DSCAML1: variants seen among roughly 807,000 people sequenced by gnomAD.
DSCAML1 encodes cell adhesion molecule DSCAML1.
Under a neutral mutation model 200.5 loss-of-function variants are expected in DSCAML1, and 38 were observed. The observed-to-expected ratio is 0.19, with a 90% CI of 0.15 to 0.25. DSCAML1 has a LOEUF of 0.25. Among genes scored for constraint, DSCAML1 ranks in the 10% least tolerant of loss-of-function variants. DSCAML1 has a pLI of 1.00. For missense variants in DSCAML1, 2,223 were observed against 2,858.8 expected (o/e 0.78, Z 5.07); for synonymous variants, 1,215 against 1,165.0 (o/e 1.04, Z -0.87).
chr11:117,770,438 A>T (rs2134035821), intron 3 of DSCAML1, among the ~76,000 whole-genome samples: 1 of 152,224 alleles, frequency 6.6e-6, no homozygotes, highest in African/African-American at 2.4e-5. Flanking sequence ...CACAGAAGCA[A>T]CTCGGCATTA....
intron 3 of DSCAML1, among the ~76,000 whole-genome samples, chr11:117,681,804 T>C (rs981781770): frequency 1.3e-5 from 2 of 152,184 alleles, no homozygotes; most frequent in Non-Finnish European, 2.9e-5. Flanking sequence ...AAGTCCCTCC[T>C]AAGGCACTGG....
chr11:117,768,694 T>G (rs1233728676), intron 3 of DSCAML1, among the ~76,000 whole-genome samples: 1 of 152,210 alleles, frequency 6.6e-6, no homozygotes, highest in Non-Finnish European at 1.5e-5. Context: ...ATAGGTTTTA[T>G]CATTCCCATT....
intron 3 of DSCAML1, among the ~76,000 whole-genome samples, chr11:117,571,686 TC>T (rs145462937): frequency 0.043 from 6,566 of 152,210 alleles, 204 homozygotes; most frequent in Middle Eastern, 0.11. Context: ...CTACAGGTGT[TC>T]TCCTTTCAGA....
In DSCAML1 at chr11:117,498,323, G is replaced by A. The variant is rs150225187; in HGVS notation, c.2359+5522C>T. ...CCACTTACATGCTCTGCCAACAGCCGTCCCTCAGCTCTAGGGGTCACGGCG... is the reference window on the plus strand; with the variant it reads ...CCACTTACATGCTCTGCCAACAGCCATCCCTCAGCTCTAGGGGTCACGGCG... On this transcript the variant is annotated intron_variant, in intron 11 of 32. Transcript: ENST00000651296. The surrounding 1 kb of genome is among the most constrained non-coding windows in gnomAD (Gnocchi z 4.0). 2.5e-3 allele frequency among the ~76,000 whole-genome samples: 374 copies of A among 152,332 alleles called. 1 individual carries two copies. Among genetic ancestry groups the A allele is most frequent in the African/African-American group, 8.2e-3 (343 of 41,580 alleles).
At chr11:117,471,761 C>T (rs2048689759) in intron 15 of DSCAML1, 108 bp downstream of exon 15, 28 of 1,359,634 alleles carry the variant, frequency 2.1e-5, no homozygotes, top group Non-Finnish European at 2.7e-5. Flanking sequence ...TTTCCCCACG[C>T]CACCCCCTTT....
At chr11:117,738,047 G>A (rs915488819) in intron 3 of DSCAML1, among the ~76,000 whole-genome samples, 2 of 152,344 alleles carry the variant, frequency 1.3e-5, no homozygotes, top group African/African-American at 4.8e-5. Flanking sequence ...CTGCATGGGT[G>A]AAAGATGATG....
chr11:117,599,443 T>C (rs1028664204), intron 3 of DSCAML1, among the ~76,000 whole-genome samples: 1 of 152,234 alleles, frequency 6.6e-6, no homozygotes, highest in African/African-American at 2.4e-5. Context: ...TCTTCTAATG[T>C]TGGACACTTT....
intron 19 of DSCAML1, among the ~76,000 whole-genome samples, chr11:117,453,093 C>G (rs536654680): frequency 3.9e-5 from 6 of 152,058 alleles, no homozygotes; most frequent in Non-Finnish European, 8.8e-5. Context: ...CACCATGATG[C>G]CAGGTTAATT....
chr11:117,448,433 T>G (rs1038498087), intron 20 of DSCAML1, among the ~76,000 whole-genome samples: 1 of 152,142 alleles, frequency 6.6e-6, no homozygotes, highest in Non-Finnish European at 1.5e-5. Flanking sequence ...GCTGCCCCTG[T>G]CCTCGTGGGG....
intron 3 of DSCAML1, among the ~76,000 whole-genome samples, chr11:117,578,502 C>T (rs2050989961): frequency 6.6e-6 from 1 of 151,688 alleles, no homozygotes; most frequent in South Asian, 2.1e-4. Context: ...AAGACCCCAT[C>T]TCTAAAAATT....
At chr11:117,699,677 C>T (rs1017499527) in intron 3 of DSCAML1, among the ~76,000 whole-genome samples, 1 of 152,200 alleles carries the variant, frequency 6.6e-6, no homozygotes, top group African/African-American at 2.4e-5. Flanking sequence ...CCGGGCCATC[C>T]CCGCCCAGTA....
intron 3 of DSCAML1, among the ~76,000 whole-genome samples, chr11:117,676,529 C>CA (rs1468812695): frequency 6.6e-6 from 1 of 152,328 alleles, no homozygotes; most frequent in African/African-American, 2.4e-5. Context: ...CCAAAGGGTC[C>CA]AGGGGGGTTC....
chr11:117,440,931 A>G (rs1244708999), intron 21 of DSCAML1, among the ~76,000 whole-genome samples: 1 of 150,638 alleles, frequency 6.6e-6, no homozygotes, highest in Admixed American at 6.6e-5. Flanking sequence ...AAAAAAAAAA[A>G]AAAAAAAAAA....
At chr11:117,801,489 AAC>A (rs2055657611), upstream of DSCAML1, 3 of 152,372 alleles carry the variant, frequency 2.0e-5, no homozygotes, top group African/African-American at 4.8e-5. Context: ...ACACAAAATA[AAC>A]AGTTTTGGCT....
intron 3 of DSCAML1, chr11:117,611,386 G>A (rs1018229512): frequency 6.6e-6 from 1 of 152,074 alleles, no homozygotes; most frequent in Non-Finnish European, 1.5e-5. Context: ...ACAGTGGCTT[G>A]TGGGGTCATC....
At chr11:117,602,721 C>T (rs929826094) in intron 3 of DSCAML1, among the ~76,000 whole-genome samples, 1 of 152,054 alleles carries the variant, frequency 6.6e-6, no homozygotes, top group African/African-American at 2.4e-5. Context: ...ACAGCAGGTG[C>T]CCAATATGTA....
intron 3 of DSCAML1, among the ~76,000 whole-genome samples, chr11:117,657,818 C>A (rs1591370205): frequency 6.6e-6 from 1 of 152,228 alleles, no homozygotes; most frequent in East Asian, 1.9e-4. Context: ...GAACTGTGAT[C>A]AGTGAATAGT....
At chr11:117,690,295 C>G (rs1303330477) in intron 3 of DSCAML1, among the ~76,000 whole-genome samples, 2 of 152,234 alleles carry the variant, frequency 1.3e-5, no homozygotes, top group Non-Finnish European at 2.9e-5. Context: ...GGGCTCTGAG[C>G]CCAGTATGTC....
At chr11:117,433,616 G>A in intron 27 of DSCAML1, 145 bp from the exon 28 acceptor site, 1 of 842,310 alleles carries the variant, frequency 1.2e-6, no homozygotes, top group Non-Finnish European at 1.8e-6. Context: ...AGAAATGTAA[G>A]GACCTACAAA....
Sources: gnomAD v4.1 joint callset for allele counts (sites outside exome capture counted in the v4.1 genomes callset) on GRCh38, gnomAD v4.1.1 for gene constraint, Gnocchi (gnomAD v3.1) non-coding constraint, MANE v1.5 for transcripts, NCBI Gene and HGNC (gene_info 2026-07-23, HGNC 2026-07-21) for gene names.